Variants in PDE3A observed in about 807,000 individuals in gnomAD.
The protein encoded by PDE3A is phosphodiesterase 3A, also known as cGMP-inhibited 3',5'-cyclic phosphodiesterase 3A.
A neutral mutation model predicts 98.3 loss-of-function variants in PDE3A; 43 were observed. That is an observed-to-expected ratio of 0.44 (90% CI 0.34 to 0.56). PDE3A has a LOEUF of 0.56. Among genes scored for constraint, PDE3A ranks in the 20% least tolerant of loss-of-function variants. The pLI is 0.01. For synonymous variants in PDE3A, 663 were observed against 567.9 expected, an observed-to-expected ratio of 1.17 and a Z score of -2.38; for missense variants, 1,427 against 1,440.7, an observed-to-expected ratio of 0.99 and a Z score of 0.15.
At chr12:20,388,802 C>T (rs546264934) in intron 1 of PDE3A, among the ~76,000 whole-genome samples, 56 of 152,044 alleles carry the variant, frequency 3.7e-4, no homozygotes, top group African/African-American at 1.3e-3. Context: ...GCATTTCCTG[C>T]GTAAGACTAA....
Position 20,685,828 on chromosome 12 carries a change from C to T in PDE3A, c.*5557C>T, listed in dbSNP as rs1254375487. Among the ~76,000 whole-genome samples the T allele has an allele frequency of 6.6e-6, 1 of 152,132 alleles. No individual in the cohort carries two copies. Among genetic ancestry groups the T allele is most frequent in the Non-Finnish European group, 1.5e-5 (1 of 68,022 alleles). ...CAATGAAGCAATGATTTCCTCATTG[C>T]TTTGCATTAAGAAGTGGTTCTTTAG... is the stretch of plus-strand genomic sequence containing the variant. On this transcript the variant is annotated 3_prime_UTR_variant, in exon 16 of 16. Transcript: ENST00000359062.
intron 2 of PDE3A, among the ~76,000 whole-genome samples, chr12:20,608,094 C>T (rs1943758108): frequency 6.6e-6 from 1 of 152,146 alleles, no homozygotes; most frequent in African/African-American, 2.4e-5. Context: ...TTAATAGGGA[C>T]ATCCTAGACA....
In PDE3A at chr12:20,448,046, G is replaced by A. The variant is rs1310942739; in HGVS notation, c.960+77802G>A. The stretch of plus-strand genomic sequence containing the variant: ...CTCTTACACTAATGGATTTGTATTC[G>A]GAGAGATTGGAAAGATGGATCTGTC... On this transcript the variant is annotated intron_variant, in intron 1 of 15. Coordinates refer to ENST00000359062, the MANE Select transcript of PDE3A (RefSeq NM_000921.5). Among the ~76,000 whole-genome samples, 8 of 152,120 alleles carry A rather than the reference G, an allele frequency of 5.3e-5. No individual in the cohort carries two copies. In the South Asian group the frequency reaches 6.2e-4, roughly 12 times the overall value.
intron 1 of PDE3A, among the ~76,000 whole-genome samples, chr12:20,448,252 C>T (rs1944993751): frequency 6.6e-6 from 1 of 152,072 alleles, no homozygotes. Context: ...CCAGCCTGGC[C>T]AACTTGGTGA....
At chr12:20,616,025 C>CTTAT (rs58287112) in intron 3 of PDE3A, among the ~76,000 whole-genome samples, 2,176 of 152,212 alleles carry the variant, frequency 0.014, 39 homozygotes, top group African/African-American at 0.05. Flanking sequence ...CGCCTGACTG[C>CTTAT]TTATTTTTAT....
At chr12:20,645,379 C>CT (rs1217029394) in intron 10 of PDE3A, among the ~76,000 whole-genome samples, 1 of 152,164 alleles carries the variant, frequency 6.6e-6, no homozygotes, top group African/African-American at 2.4e-5. Flanking sequence ...TAGGTTTCCT[C>CT]TTTCTTCTCT....
chr12:20,472,285 T>C (rs1945451949), intron 1 of PDE3A, among the ~76,000 whole-genome samples: 1 of 152,174 alleles, frequency 6.6e-6, no homozygotes, highest in Admixed American at 6.5e-5. Context: ...ACTACTTGCA[T>C]ATTCCTTTTA....
At chr12:20,382,766 T>G (rs1192316095) in intron 1 of PDE3A, among the ~76,000 whole-genome samples, 1 of 151,998 alleles carries the variant, frequency 6.6e-6, no homozygotes, top group East Asian at 1.9e-4. Context: ...AATGTAATAA[T>G]GGACAGAGGT....
At chr12:20,648,383 C>A (rs1006915310) in intron 12 of PDE3A, among the ~76,000 whole-genome samples, 2 of 150,618 alleles carry the variant, frequency 1.3e-5, no homozygotes, top group Non-Finnish European at 3.0e-5. Flanking sequence ...AATTCCTGTA[C>A]CCTACAAAGA....
chr12:20,394,553 CAATT>C (rs1337693918), intron 1 of PDE3A, among the ~76,000 whole-genome samples: 2 of 151,962 alleles, frequency 1.3e-5, no homozygotes, highest in African/African-American at 4.8e-5. Context: ...ATGTAGTTAA[CAATT>C]AATTTGTATA....
chr12:20,589,252 A>C (rs1469130426), intron 2 of PDE3A, among the ~76,000 whole-genome samples: 1 of 152,056 alleles, frequency 6.6e-6, no homozygotes, highest in Non-Finnish European at 1.5e-5. Flanking sequence ...TAATGTACTT[A>C]TTTCTGGGAC....
chr12:20,540,614 A>T (rs1941870295), intron 1 of PDE3A, among the ~76,000 whole-genome samples: 1 of 152,120 alleles, frequency 6.6e-6, no homozygotes, highest in Non-Finnish European at 1.5e-5. Flanking sequence ...GATAGCTTTC[A>T]GTTTTCAAAT....
intron 15 of PDE3A, among the ~76,000 whole-genome samples, chr12:20,673,958 A>C (rs1480606365): frequency 6.6e-6 from 1 of 152,174 alleles, no homozygotes; most frequent in Non-Finnish European, 1.5e-5. Flanking sequence ...ATCCATGATC[A>C]TGGGATGTCT....
At chr12:20,479,173 T>G (rs773275346) in intron 1 of PDE3A, among the ~76,000 whole-genome samples, 2 of 152,244 alleles carry the variant, frequency 1.3e-5, no homozygotes, top group Non-Finnish European at 2.9e-5. Context: ...ATATTCATCC[T>G]TGTTGAAAAG....
chr12:20,620,491 T>C (rs1377564545), intron 4 of PDE3A, among the ~76,000 whole-genome samples: 1 of 152,070 alleles, frequency 6.6e-6, no homozygotes, highest in Non-Finnish European at 1.5e-5. Flanking sequence ...TCAACATGTA[T>C]AAGTTTTAAG....
At chr12:20,513,237 A>G (rs1946260561) in intron 1 of PDE3A, among the ~76,000 whole-genome samples, 1 of 152,180 alleles carries the variant, frequency 6.6e-6, no homozygotes, top group East Asian at 1.9e-4. Context: ...TATTTCTAAT[A>G]TAAATTTATA....
chr12:20,671,063 A>G (rs1945463847), intron 15 of PDE3A, among the ~76,000 whole-genome samples: 1 of 124,918 alleles, frequency 8.0e-6, no homozygotes, highest in Middle Eastern at 3.7e-3. Context: ...AGAGAATACT[A>G]CAAACACCTC....
intron 15 of PDE3A, among the ~76,000 whole-genome samples, chr12:20,670,730 C>T (rs2120418343): frequency 7.1e-6 from 1 of 141,166 alleles, no homozygotes; most frequent in South Asian, 2.4e-4. Flanking sequence ...GCACTAAATG[C>T]CCACAAGAGA....
chr12:20,439,468 C>T (rs999451112), intron 1 of PDE3A, among the ~76,000 whole-genome samples: 1 of 152,094 alleles, frequency 6.6e-6, no homozygotes, highest in Non-Finnish European at 1.5e-5. Context: ...TCTTAATAGT[C>T]TTTAAATTTC....
Sources: allele counts gnomAD v4.1 joint callset (sites outside exome capture counted in the v4.1 genomes callset), GRCh38; gene constraint gnomAD v4.1.1; transcripts MANE v1.5; gene names NCBI Gene and HGNC (gene_info 2026-07-23, HGNC 2026-07-21).